PIK3R1: variants seen among roughly 807,000 people sequenced by gnomAD.
PIK3R1 encodes the protein phosphatidylinositol 3-kinase regulatory subunit alpha.
A neutral mutation model predicts 98.0 loss-of-function variants in PIK3R1; 29 were observed. That is an observed-to-expected ratio of 0.30 (90% CI 0.22 to 0.40). The LOEUF is 0.40. Ranked by LOEUF, PIK3R1 falls within the 10% of genes least tolerant of loss-of-function variation. The pLI, the probability that PIK3R1 is intolerant of heterozygous loss-of-function variation, is 1.00. For synonymous variants in PIK3R1, 282 were observed against 311.8 expected, an observed-to-expected ratio of 0.90 and a Z score of 1.01; for missense variants, 596 against 872.7, an observed-to-expected ratio of 0.68 and a Z score of 3.99.
At chr5:68,248,304 T>G (rs1190992567) in intron 2 of PIK3R1, among the ~76,000 whole-genome samples, 1 of 152,132 alleles carries the variant, frequency 6.6e-6, no homozygotes, top group Non-Finnish European at 1.5e-5. Context: ...TTTAATGGTG[T>G]TTTCCCCACT....
intron 7 of PIK3R1, chr5:68,288,748 C>G: frequency 3.1e-6 from 5 of 1,613,656 alleles, no homozygotes; most frequent in Non-Finnish European, 3.4e-6. Flanking sequence ...GCATAACCTG[C>G]AAAGTAAGTT....
At chr5:68,265,119 A>C (rs1172980428) in intron 2 of PIK3R1, among the ~76,000 whole-genome samples, 3 of 152,052 alleles carry the variant, frequency 2.0e-5, no homozygotes, top group Admixed American at 6.5e-5. Context: ...GAGGACCGGC[A>C]GCATGGGCAT....
chr5:68,274,839 G>T (rs771865322), intron 4 of PIK3R1, among the ~76,000 whole-genome samples: 4 of 152,122 alleles, frequency 2.6e-5, no homozygotes, highest in Non-Finnish European at 4.4e-5. Context: ...AATCTTTCAA[G>T]ATCCTTCATT....
intron 2 of PIK3R1, among the ~76,000 whole-genome samples, chr5:68,253,115 CA>C (rs1745381273): frequency 6.6e-6 from 1 of 152,208 alleles, no homozygotes; most frequent in Non-Finnish European, 1.5e-5. Context: ...TTTGTCATAA[CA>C]CACATACTTT....
intron 14 of PIK3R1, 66 bp downstream of exon 14, chr5:68,295,554 CTTTGT>C (rs1444610531): frequency 7.3e-7 from 1 of 1,365,382 alleles, no homozygotes; most frequent in African/African-American, 1.4e-5. Context: ...GCATGACTTG[CTTTGT>C]TTTTAGAACA....
At chr5:68,232,204 G>A (rs948882519) in intron 2 of PIK3R1, among the ~76,000 whole-genome samples, 28 of 152,130 alleles carry the variant, frequency 1.8e-4, no homozygotes, top group African/African-American at 6.8e-4. Context: ...ATTACTTATT[G>A]CAACACAGTT....
At chr5:68,281,408 G>T (rs544843142) in intron 7 of PIK3R1, among the ~76,000 whole-genome samples, 102 of 152,142 alleles carry the variant, frequency 6.7e-4, no homozygotes, top group African/African-American at 2.4e-3. Context: ...TTTGGAAGTG[G>T]GTATGCTGAG....
intron 2 of PIK3R1, chr5:68,239,850 C>T: frequency 4.0e-6 from 2 of 505,718 alleles, no homozygotes; most frequent in Non-Finnish European, 3.9e-6. Context: ...GAAACAGACA[C>T]AAGAACAACT....
At chr5:68,223,073 GCAT>G (rs1235607146) in intron 1 of PIK3R1, among the ~76,000 whole-genome samples, 1 of 150,708 alleles carries the variant, frequency 6.6e-6, no homozygotes, top group African/African-American at 2.5e-5. Context: ...TATATAGTCA[GCAT>G]CATCATATCA....
chr5:68,257,423 ATGT>A (rs1240819894), intron 2 of PIK3R1, among the ~76,000 whole-genome samples: 2 of 152,002 alleles, frequency 1.3e-5, no homozygotes, highest in Admixed American at 6.6e-5. Flanking sequence ...TTACGGTTTA[ATGT>A]TGTTCTTTTT....
intron 2 of PIK3R1, among the ~76,000 whole-genome samples, chr5:68,247,914 G>A (rs1745163556): frequency 6.6e-6 from 1 of 152,064 alleles, no homozygotes; most frequent in Non-Finnish European, 1.5e-5. Context: ...CAGAGTCATT[G>A]AATGTCCTTA....
chr5:68,292,419 C>T lies in PIK3R1; in HGVS notation c.1019+58C>T, dbSNP rs2112245910. On this transcript the variant is annotated intron_variant, in intron 8 of 15. Coordinates refer to ENST00000521381, the MANE Select transcript of PIK3R1 (RefSeq NM_181523.3). ...TTTAGATTAAAAGAAAGAAAAGCACCAGCTTGCTAAGTTCCATTTTTAGGA... is the reference window on the plus strand; with the variant it reads ...TTTAGATTAAAAGAAAGAAAAGCACTAGCTTGCTAAGTTCCATTTTTAGGA... The T allele has an allele frequency of 4.0e-6, 6 of 1,495,140 alleles. No homozygotes were observed. In the South Asian group the frequency reaches 5.7e-5, roughly 14 times the overall value. 92.6% of individuals were successfully genotyped at this position (1,495,140 alleles called of 1,614,324 possible). A position where few individuals can be genotyped will look rare whatever the true frequency, so the allele number is the denominator to read the frequency against.
At position 68,294,086 on chromosome 5, in the gene PIK3R1, G is replaced by A. The variant is rs12659907; in HGVS notation, c.1425+252G>A. On this transcript the variant is annotated intron_variant, in intron 11 of 15. Transcript: ENST00000521381. ...ACTGAGTTTCAAGTTGATTTAATTC[G>A]TGATAGAAGGATCCTGTTTAGATTG... Among the ~76,000 whole-genome samples the A allele has an allele frequency of 0.13, 19,741 of 152,164 alleles. 1,330 individuals carry two copies. The highest frequency in any genetic ancestry group is 0.21 in the South Asian group (994 of 4,826).
chr5:68,273,252 G>A lies in PIK3R1; in HGVS notation c.335-138G>A, dbSNP rs1300139460. On this transcript the variant is annotated intron_variant, in intron 2 of 15. Coordinates refer to ENST00000521381, the MANE Select transcript of PIK3R1 (RefSeq NM_181523.3). ...AGCAGTGGGCATATCACTTTGGCCT[G>A]GAAAGTGCAAAAGCCCAGAGCAGGG... 3.9e-6 allele frequency: 3 copies of A among 777,490 alleles called. No individual in the cohort carries two copies. In the East Asian group the frequency reaches 7.3e-5, roughly 19 times the overall value. 48.2% of individuals were successfully genotyped at this position (777,490 alleles called of 1,614,324 possible).
In PIK3R1 at chr5:68,262,874, GATAC is replaced by G. The variant is rs1426029774; in HGVS notation, c.335-10513_335-10510del. 1.2e-3 allele frequency among the ~76,000 whole-genome samples: 104 copies of G among 87,842 alleles called. 30 individuals carry two copies. Among genetic ancestry groups the G allele is most frequent in the Admixed American group, 2.4e-3 (23 of 9,714 alleles). The allele number at this position is 87,842 out of a possible 152,430, so 57.6% of individuals were successfully genotyped here. On this transcript the variant is annotated intron_variant, in intron 2 of 15. Transcript: ENST00000521381. ...ACATGTAGATACATGTATACATGTA[GATAC>G]ATGTAGATACATGTATACATATATA... is the stretch of plus-strand genomic sequence containing the variant.
At chr5:68,275,281 GA>G (rs1386352354) in intron 4 of PIK3R1, among the ~76,000 whole-genome samples, 1 of 152,182 alleles carries the variant, frequency 6.6e-6, no homozygotes, top group Non-Finnish European at 1.5e-5. Flanking sequence ...CACTCAAGGT[GA>G]AAAGGCTTGT....
At chr5:68,274,605 C>G (rs1370232731) in intron 4 of PIK3R1, among the ~76,000 whole-genome samples, 1 of 152,090 alleles carries the variant, frequency 6.6e-6, no homozygotes, top group Non-Finnish European at 1.5e-5. Context: ...TAGCATCTGC[C>G]CATTTTTGTG....
intron 2 of PIK3R1, chr5:68,239,970 T>G (rs1259831266): frequency 4.1e-6 from 2 of 487,792 alleles, no homozygotes; most frequent in Admixed American, 2.3e-5. Flanking sequence ...TCATTCCTCC[T>G]GCATGTTGGA....
At chr5:68,227,865 A>C (rs1334151786) in intron 2 of PIK3R1, among the ~76,000 whole-genome samples, 1 of 152,176 alleles carries the variant, frequency 6.6e-6, no homozygotes, top group Non-Finnish European at 1.5e-5. Flanking sequence ...AATGGAAACC[A>C]CCTTCATTCA....
Sources: allele counts gnomAD v4.1 joint callset (sites outside exome capture counted in the v4.1 genomes callset), GRCh38; gene constraint gnomAD v4.1.1; transcripts MANE v1.5; gene names NCBI Gene and HGNC (gene_info 2026-07-23, HGNC 2026-07-21).